The following SEMA5A variants were observed in gnomAD, a reference collection of about 807,000 sequenced individuals.
The protein encoded by SEMA5A is semaphorin 5A, also known as semaphorin-5A.
Under a neutral mutation model 135.5 loss-of-function variants are expected in SEMA5A, and 55 were observed. The observed-to-expected ratio is 0.41, with a 90% CI of 0.33 to 0.51. The LOEUF is 0.51. SEMA5A is among the 20% of genes least tolerant of loss of function. The probability of loss-of-function intolerance (pLI) is 0.37; values close to 1 mark genes in which losing one functional copy is unlikely to be tolerated. For synonymous variants in SEMA5A, 580 were observed against 546.5 expected (o/e 1.06, Z -0.85); for missense variants, 1,290 against 1,419.9 (o/e 0.91, Z 1.47).
At chr5:9,163,715 G>T (rs1328604501) in intron 11 of SEMA5A, among the ~76,000 whole-genome samples, 1 of 151,980 alleles carries the variant, frequency 6.6e-6, no homozygotes, top group African/African-American at 2.4e-5. Flanking sequence ...AAATGCAATC[G>T]TTAGTGTAGG....
intron 12 of SEMA5A, among the ~76,000 whole-genome samples, chr5:9,147,171 T>C (rs1742383274): frequency 6.6e-6 from 1 of 152,230 alleles, no homozygotes; most frequent in African/African-American, 2.4e-5. Context: ...TAATTTTCCA[T>C]ACTAATTTTT....
At chr5:9,160,730 C>T (rs879144436) in intron 11 of SEMA5A, among the ~76,000 whole-genome samples, 1 of 152,154 alleles carries the variant, frequency 6.6e-6, no homozygotes, top group Admixed American at 6.5e-5. Context: ...AGAGGTAAAA[C>T]TGGATTACCA....
At chr5:9,364,442 C>T (rs1255991480) in intron 3 of SEMA5A, among the ~76,000 whole-genome samples, 1 of 152,112 alleles carries the variant, frequency 6.6e-6, no homozygotes, top group Non-Finnish European at 1.5e-5. Flanking sequence ...ACTGAAGGAG[C>T]ATAGCTTTTA....
At chr5:9,360,876 A>G (rs1347326851) in intron 3 of SEMA5A, among the ~76,000 whole-genome samples, 1 of 152,208 alleles carries the variant, frequency 6.6e-6, no homozygotes, top group Admixed American at 6.5e-5. Context: ...TATCTTCTTC[A>G]TCCTAGGGGA....
intron 2 of SEMA5A, among the ~76,000 whole-genome samples, chr5:9,415,337 A>G (rs1287959082): frequency 1.3e-5 from 2 of 152,186 alleles, no homozygotes; most frequent in East Asian, 3.9e-4. Flanking sequence ...TCTCCTATCT[A>G]ATAAAGCTGC....
At chr5:9,442,529 C>T (rs1177001563) in intron 1 of SEMA5A, among the ~76,000 whole-genome samples, 2 of 152,126 alleles carry the variant, frequency 1.3e-5, no homozygotes, top group Non-Finnish European at 2.9e-5. Context: ...ACAGGTTTTA[C>T]ACATTCTTAG....
chr5:9,392,066 C>T (rs1009695178), intron 2 of SEMA5A, among the ~76,000 whole-genome samples: 11 of 152,162 alleles, frequency 7.2e-5, no homozygotes, highest in African/African-American at 2.7e-4. Flanking sequence ...CGCTTGCTGG[C>T]CCTTAGATCC....
chr5:9,122,752 G>T lies in SEMA5A; in HGVS notation c.1685C>A (p.Ser562Tyr). The change falls in exon 14 of 23, where the codon TCC (serine) becomes TAC (tyrosine). Residue 562 changes from serine (S) to tyrosine (Y), a missense_variant. Coordinates refer to ENST00000382496, the MANE Select transcript of SEMA5A (RefSeq NM_003966.3). ...CTHTDGSAVG[S>Y]CLCRTRSCDS... ...GCAGGAGCGGGTTCGACAGAGGCAG[G>T]ATCCCACGGCGCTGCCATCTGTGTG... 1 of 1,613,676 alleles carries T rather than the reference G, an allele frequency of 6.2e-7. No individual in the cohort carries two copies. Among genetic ancestry groups the T allele is most frequent in the East Asian group, 2.2e-5 (1 of 44,834 alleles).
chr5:9,466,656 A>C (rs1240253086), intron 1 of SEMA5A, among the ~76,000 whole-genome samples: 1 of 152,254 alleles, frequency 6.6e-6, no homozygotes, highest in Non-Finnish European at 1.5e-5. Context: ...CATTAAATGA[A>C]TACAATCTGC....
intron 4 of SEMA5A, 30 bp from the exon 5 acceptor site, chr5:9,318,447 T>C: frequency 6.4e-7 from 1 of 1,570,062 alleles, no homozygotes; most frequent in Non-Finnish European, 8.7e-7. Flanking sequence ...AGCAGTTTTA[T>C]TTTTAATAGA....
intron 12 of SEMA5A, among the ~76,000 whole-genome samples, chr5:9,146,733 T>C (rs1742358748): frequency 6.6e-6 from 1 of 152,162 alleles, no homozygotes; most frequent in Non-Finnish European, 1.5e-5. Context: ...GGATGCCTCA[T>C]TCATCATCCT....
Position 9,036,518 on chromosome 5 carries a change from C to G in SEMA5A, c.*6379G>C, listed in dbSNP as rs980904756. The G allele has an allele frequency of 6.6e-6, 1 of 152,082 alleles. No individual in the cohort carries two copies. Among genetic ancestry groups the G allele is most frequent in the South Asian group, 2.1e-4 (1 of 4,818 alleles). The allele number at this position is 152,082 out of a possible 1,614,324, so 9.4% of individuals were successfully genotyped here. ...AAACCTCTAACTTCTATAGGCATCA[C>G]GTTAACATTCTTATTACAGAACAAT... On this transcript the variant is annotated 3_prime_UTR_variant, in exon 23 of 23. Coordinates refer to ENST00000382496, the MANE Select transcript of SEMA5A (RefSeq NM_003966.3).
chr5:9,045,666 A>G (rs1736212585), intron 21 of SEMA5A: 1 of 152,214 alleles, frequency 6.6e-6, no homozygotes, highest in Non-Finnish European at 1.5e-5. Context: ...TTGTCAAGAA[A>G]ATGGTTTACT....
At chr5:9,440,266 A>G (rs1016272013) in intron 1 of SEMA5A, among the ~76,000 whole-genome samples, 59 of 152,212 alleles carry the variant, frequency 3.9e-4, no homozygotes, top group Middle Eastern at 3.2e-3. Context: ...TCACTGACAT[A>G]TTTTCTAGAA....
At chr5:9,297,614 G>A (rs1230883820) in intron 5 of SEMA5A, among the ~76,000 whole-genome samples, 1 of 152,080 alleles carries the variant, frequency 6.6e-6, no homozygotes, top group Non-Finnish European at 1.5e-5. Context: ...GAGTGTAGTG[G>A]CATGATCTTG....
intron 1 of SEMA5A, among the ~76,000 whole-genome samples, chr5:9,519,687 GA>G (rs1736712366): frequency 2.0e-5 from 3 of 152,164 alleles, no homozygotes; most frequent in Non-Finnish European, 4.4e-5. Flanking sequence ...CCGTAACTGT[GA>G]AGTATTACGA....
intron 16 of SEMA5A, among the ~76,000 whole-genome samples, chr5:9,069,751 G>C (rs1014431848): frequency 6.6e-6 from 1 of 152,120 alleles, no homozygotes; most frequent in Non-Finnish European, 1.5e-5. Context: ...TAGAAAGATA[G>C]ATGACTTCAT....
At chr5:9,256,814 T>C (rs555254388) in intron 5 of SEMA5A, among the ~76,000 whole-genome samples, 107 of 152,340 alleles carry the variant, frequency 7.0e-4, no homozygotes, top group African/African-American at 2.5e-3. Flanking sequence ...AAGGTAGGAA[T>C]TTCAAGGCGA....
chr5:9,197,255 G>A lies in SEMA5A; in HGVS notation c.981C>T (p.Ile327=), dbSNP rs546099855. The change falls in exon 10 of 23, where the codon ATC becomes ATT. Residue 327 remains isoleucine, a synonymous_variant. Coordinates refer to ENST00000382496, the MANE Select transcript of SEMA5A (RefSeq NM_003966.3). ...TGAAGGGCCCAGAGAAGGCCTGCGC[G>A]ATGGCGCTCAGGTTGAAGACGCACA... ...SAVCVFNLSA[I]AQAFSGPFKY... The A allele has an allele frequency of 1.9e-5, 31 of 1,614,196 alleles. No individual in the cohort carries two copies. Among genetic ancestry groups the A allele is most frequent in the African/African-American group, 1.2e-4 (9 of 75,074 alleles).
Sources: allele counts gnomAD v4.1 joint callset (sites outside exome capture counted in the v4.1 genomes callset), GRCh38; gene constraint gnomAD v4.1.1; transcripts MANE v1.5; gene names NCBI Gene and HGNC (gene_info 2026-07-23, HGNC 2026-07-21).